The following RAB39A variants were observed in gnomAD, a reference collection of about 807,000 sequenced individuals.
RAB39A encodes RAB39A, member RAS oncogene family, also known as ras-related protein Rab-39A.
Under a neutral mutation model 20.9 loss-of-function variants are expected in RAB39A, and 17 were observed. The ratio of observed to expected loss-of-function variants is 0.81; its 90% CI spans 0.56 to 1.22. The LOEUF is 1.22. Among genes scored for constraint, RAB39A ranks in the 50% most tolerant of loss-of-function variants. The pLI is 0.00. For missense variants in RAB39A, 234 were observed against 270.5 expected, an observed-to-expected ratio of 0.87 and a Z score of 0.95; for synonymous variants, 99 against 103.4, an observed-to-expected ratio of 0.96 and a Z score of 0.26.
chr11:107,929,134 C>T (rs1263785257), intron 1 of RAB39A, among the ~76,000 whole-genome samples: 1 of 152,222 alleles, frequency 6.6e-6, no homozygotes. Flanking sequence ...CGGCTGCCTT[C>T]TTCCCAAACT....
chr11:107,941,078 C>G (rs191149899), intron 1 of RAB39A, among the ~76,000 whole-genome samples: 5 of 152,152 alleles, frequency 3.3e-5, no homozygotes, highest in African/African-American at 1.2e-4. Context: ...AAAGATTATA[C>G]GTTCTCAAAT....
chr11:107,947,368 A>C (rs915787892), intron 1 of RAB39A, among the ~76,000 whole-genome samples: 1 of 152,090 alleles, frequency 6.6e-6, no homozygotes, highest in Non-Finnish European at 1.5e-5. Context: ...CAGCCTCCCA[A>C]CATGCTGGGA....
At chr11:107,960,162 A>T (rs1400351379) in intron 1 of RAB39A, among the ~76,000 whole-genome samples, 1 of 151,564 alleles carries the variant, frequency 6.6e-6, no homozygotes, top group Non-Finnish European at 1.5e-5. Context: ...GTGAGCCAAG[A>T]TCACGCCACT....
intron 1 of RAB39A, among the ~76,000 whole-genome samples, chr11:107,945,183 CAA>C (rs530534250): frequency 4.1e-5 from 5 of 120,584 alleles, no homozygotes; most frequent in Admixed American, 2.6e-4. Flanking sequence ...GACTCCATCT[CAA>C]AAAAAAAAAA....
chr11:107,946,452 ATATATATATTTTT>A (rs1861316679), intron 1 of RAB39A, among the ~76,000 whole-genome samples: 7 of 71,778 alleles, frequency 9.8e-5, no homozygotes, highest in Non-Finnish European at 1.3e-4. Flanking sequence ...ATATATATAT[ATATATATATTTTT>A]TTTTTTTTTT....
At chr11:107,935,900 CTTTTTTTTTTTTTT>C (rs561399074) in intron 1 of RAB39A, among the ~76,000 whole-genome samples, 873 of 81,594 alleles carry the variant, frequency 0.011, 13 homozygotes, top group African/African-American at 0.036. Context: ...GTCCTGGCCA[CTTTTTTTTTTTTTT>C]TTTTTTTTTT....
Position 107,928,853 on chromosome 11 carries a change from C to A in RAB39A, c.227+58C>A. ...GCCCCCTCAGCCCGCCCGGACGCCC[C>A]TTCCCCAGGCGTCCGCCCCGCCGGC... On this transcript the variant is annotated intron_variant, in intron 1 of 1. Transcript: ENST00000320578. The surrounding 1 kb of genome is among the most constrained non-coding windows in gnomAD (Gnocchi z 4.9). 1 of 1,375,106 alleles carries A rather than the reference C, an allele frequency of 7.3e-7. No homozygotes were observed. Among genetic ancestry groups the A allele is most frequent in the South Asian group, 1.5e-5 (1 of 68,962 alleles). The allele number at this position is 1,375,106 out of a possible 1,614,324, so 85.2% of individuals were successfully genotyped here. A position where few individuals can be genotyped will look rare whatever the true frequency, so the allele number is the denominator to read the frequency against.
At chr11:107,929,637 A>C (rs1861117028) in intron 1 of RAB39A, among the ~76,000 whole-genome samples, 1 of 152,148 alleles carries the variant, frequency 6.6e-6, no homozygotes, top group Non-Finnish European at 1.5e-5. Flanking sequence ...AATATTTCTA[A>C]AGACAGAAGG....
chr11:107,938,506 G>T (rs1261886726), intron 1 of RAB39A, among the ~76,000 whole-genome samples: 2 of 147,930 alleles, frequency 1.4e-5, no homozygotes, highest in South Asian at 2.1e-4. Context: ...AAAGCGAGTG[G>T]ATCTCTTGAG....
chr11:107,949,184 G>T (rs945764554), intron 1 of RAB39A, among the ~76,000 whole-genome samples: 2 of 151,982 alleles, frequency 1.3e-5, no homozygotes, highest in Non-Finnish European at 2.9e-5. Flanking sequence ...TGGGGCACGT[G>T]CCTGTAATCC....
At chr11:107,940,770 A>C (rs969780937) in intron 1 of RAB39A, among the ~76,000 whole-genome samples, 1 of 152,142 alleles carries the variant, frequency 6.6e-6, no homozygotes, top group African/African-American at 2.4e-5. Flanking sequence ...CAGGAGACTG[A>C]GACCATCCTG....
At chr11:107,937,417 G>A (rs1279678317) in intron 1 of RAB39A, among the ~76,000 whole-genome samples, 1 of 152,086 alleles carries the variant, frequency 6.6e-6, no homozygotes, top group Non-Finnish European at 1.5e-5. Context: ...TGGGATTACA[G>A]CCATGAGCCA....
At chr11:107,957,563 C>T (rs1861450077) in intron 1 of RAB39A, among the ~76,000 whole-genome samples, 1 of 152,220 alleles carries the variant, frequency 6.6e-6, no homozygotes, top group Non-Finnish European at 1.5e-5. Context: ...AAAGAACCAG[C>T]AGCTTTCTTT....
rs1306542018 is a variant in RAB39A, at chr11:107,962,355, A to T, written c.637A>T (p.Lys213Ter). ...TTCTGAGGAAGCAGTAAAGCCCAGG[A>T]AAGAATGCTTCTGCTGACTTCAAAC... The part of the protein sequence containing the change: ...HSSEEAVKPR[K>*]ECFC The change falls in exon 2 of 2, where the codon AAA becomes TAA. Residue 213 changes from lysine (K) to a stop codon, truncating the protein, a stop_gained. Transcript: ENST00000320578. LOFTEE classifies it high-confidence loss of function. 6.2e-7 allele frequency: 1 copy of T among 1,602,472 alleles called. No homozygotes were observed. The highest frequency in any genetic ancestry group is 2.2e-5 in the East Asian group (1 of 44,560).
chr11:107,940,108 G>A (rs1423222805), intron 1 of RAB39A, among the ~76,000 whole-genome samples: 1 of 152,026 alleles, frequency 6.6e-6, no homozygotes, highest in Non-Finnish European at 1.5e-5. Flanking sequence ...AGTTATTTGT[G>A]TCCTGACTGA....
intron 1 of RAB39A, among the ~76,000 whole-genome samples, chr11:107,961,732 A>C (rs551343529): frequency 4.6e-5 from 7 of 152,374 alleles, no homozygotes; most frequent in African/African-American, 1.7e-4. Context: ...CTAACTAAAA[A>C]TAACTACTAC....
chr11:107,946,438 A>G (rs906988886), intron 1 of RAB39A, among the ~76,000 whole-genome samples: 1,510 of 28,534 alleles, frequency 0.053, 24 homozygotes, highest in African/African-American at 0.12. Flanking sequence ...GTGTGTGTGT[A>G]TATATATATA....
chr11:107,952,852 C>T (rs2134969679), intron 1 of RAB39A, among the ~76,000 whole-genome samples: 1 of 152,298 alleles, frequency 6.6e-6, no homozygotes, highest in Non-Finnish European at 1.5e-5. Context: ...CATTGCACTC[C>T]AGCCTGGTGA....
intron 1 of RAB39A, among the ~76,000 whole-genome samples, chr11:107,937,184 G>GAA: frequency 6.6e-6 from 1 of 152,124 alleles, no homozygotes. Context: ...AGCCCAGGTT[G>GAA]AAGTGCAGTG....
Sources: allele counts gnomAD v4.1 joint callset (sites outside exome capture counted in the v4.1 genomes callset), GRCh38; gene constraint gnomAD v4.1.1; non-coding constraint Gnocchi (gnomAD v3.1); transcripts MANE v1.5; gene names NCBI Gene and HGNC (gene_info 2026-07-23, HGNC 2026-07-21).